Variants in ZBTB10 observed in about 807,000 individuals in gnomAD.
ZBTB10 encodes zinc finger and BTB domain containing 10.
Under a neutral mutation model 76.4 loss-of-function variants are expected in ZBTB10, and 32 were observed. The ratio of observed to expected loss-of-function variants is 0.42; its 90% confidence interval spans 0.32 to 0.56. The LOEUF is 0.56. ZBTB10 is among the 20% of genes least tolerant of loss of function. The pLI, the probability that ZBTB10 is intolerant of heterozygous loss-of-function variation, is 0.14. For missense variants in ZBTB10, 1,057 were observed against 1,098.5 expected (o/e 0.96, Z 0.53); for synonymous variants, 523 against 432.9 (o/e 1.21, Z -2.58).
At chr8:80,501,560 T>TA (rs1815924697) in intron 2 of ZBTB10, among the ~76,000 whole-genome samples, 1 of 152,198 alleles carries the variant, frequency 6.6e-6, no homozygotes, top group African/African-American at 2.4e-5. Flanking sequence ...TATTTTCTGT[T>TA]AAAGGAATCA....
chr8:80,501,276 C>T (rs1346312131), intron 2 of ZBTB10, among the ~76,000 whole-genome samples: 5 of 152,180 alleles, frequency 3.3e-5, no homozygotes, highest in Admixed American at 6.5e-5. Context: ...CCTTTCTCTT[C>T]AATATATTTC....
At chr8:80,497,912 C>T (rs531243715) in intron 1 of ZBTB10, among the ~76,000 whole-genome samples, 3 of 152,050 alleles carry the variant, frequency 2.0e-5, no homozygotes, top group Admixed American at 6.6e-5. Context: ...ATCTACCCAC[C>T]TCAGCCTTTC....
chr8:80,510,639 A>AGTGTGGGTGTGTGTGTGTGT (rs60169757), intron 2 of ZBTB10, among the ~76,000 whole-genome samples: 2 of 125,688 alleles, frequency 1.6e-5, no homozygotes, highest in African/African-American at 6.1e-5. Context: ...TTGTGAAACC[A>AGTGTGGGTGTGTGTGTGTGT]GTGTGTGTGT....
At position 80,500,285 on chromosome 8, in the gene ZBTB10, T is replaced by A. The variant is rs1386574607; in HGVS notation, c.1764T>A (p.Ile588=). The A allele has an allele frequency of 6.3e-7, 1 of 1,575,450 alleles. No individual in the cohort carries two copies. The highest frequency in any genetic ancestry group is 1.4e-5 in the African/African-American group (1 of 73,794). ...CTACAAAAAGATTTATTTATAATATTCCACCTAATAATGAAACGAATTTAG... is the reference window on the plus strand; with the variant it reads ...CTACAAAAAGATTTATTTATAATATACCACCTAATAATGAAACGAATTTAG... ...NQTTKRFIYN[I]PPNNETNLED... Residue 588 remains isoleucine (I), a synonymous_variant, in exon 2 of 6, where the codon ATT becomes ATA. Transcript: ENST00000455036.
chr8:80,502,266 C>G (rs1815943586), intron 2 of ZBTB10, among the ~76,000 whole-genome samples: 1 of 152,144 alleles, frequency 6.6e-6, no homozygotes, highest in Non-Finnish European at 1.5e-5. Flanking sequence ...AACGGAGTCT[C>G]ACTCTGTTGC....
chr8:80,507,465 A>G (rs758946274), intron 2 of ZBTB10, among the ~76,000 whole-genome samples: 6 of 151,986 alleles, frequency 3.9e-5, no homozygotes, highest in Non-Finnish European at 8.8e-5. Flanking sequence ...ACAAAAAAAA[A>G]TTAGCCAGGC....
rs1299228371 is a variant in ZBTB10, at chr8:80,499,601, A to G, written c.1080A>G (p.Lys360=). Residue 360 remains lysine, a synonymous_variant, in exon 2 of 6, where the codon AAA becomes AAG. Coordinates refer to ENST00000455036, the MANE Select transcript of ZBTB10 (RefSeq NM_001105539.3). Reference sequence around the variant, plus strand: ...GACAACTAAATGAACAGAGAAAGAAAGGTATTCTTTGTGATGTCAGCATTG... The same window carrying G: ...GACAACTAAATGAACAGAGAAAGAAGGGTATTCTTTGTGATGTCAGCATTG... ...LLRQLNEQRK[K]GILCDVSIVV... is the part of the protein sequence containing the mutation. 1.4e-5 allele frequency: 23 copies of G among 1,613,998 alleles called. No individual in the cohort carries two copies. The highest frequency in any genetic ancestry group is 1.9e-5 in the Non-Finnish European group (23 of 1,179,864).
chr8:80,501,931 A>G (rs1417259439), intron 2 of ZBTB10, among the ~76,000 whole-genome samples: 4 of 152,180 alleles, frequency 2.6e-5, no homozygotes, highest in African/African-American at 9.7e-5. Flanking sequence ...TTTCTGTTTA[A>G]CAGTATGGTG....
intron 3 of ZBTB10, among the ~76,000 whole-genome samples, chr8:80,516,629 T>G (rs1348295930): frequency 6.6e-6 from 1 of 152,224 alleles, no homozygotes; most frequent in Non-Finnish European, 1.5e-5. Flanking sequence ...ATAGTTGAAT[T>G]TATGTAGCTA....
At position 80,525,381 on chromosome 8, in the gene ZBTB10, C is replaced by G. The variant is rs1048827882; in HGVS notation, c.*5853C>G. The G allele has an allele frequency of 2.2e-4, 34 of 152,150 alleles. No individual in the cohort carries two copies. Among genetic ancestry groups the G allele is most frequent in the African/African-American group, 7.7e-4 (32 of 41,448 alleles). The allele number at this position is 152,150 out of a possible 1,614,324, so 9.4% of individuals were successfully genotyped here. On this transcript the variant is annotated 3_prime_UTR_variant, in exon 6 of 6. Coordinates refer to ENST00000455036, the MANE Select transcript of ZBTB10 (RefSeq NM_001105539.3). ...ACCTGCTATTAATACTGCCGCCTTA[C>G]TGTCAGCCAGATGATTTTTTCCCAC... is the stretch of plus-strand genomic sequence containing the variant.
chr8:80,504,514 T>C (rs1017231752), intron 2 of ZBTB10, among the ~76,000 whole-genome samples: 2 of 152,234 alleles, frequency 1.3e-5, no homozygotes, highest in Admixed American at 6.5e-5. Context: ...TTTTTTTATC[T>C]TGAAATTAAC....
At chr8:80,500,595 G>A (rs1252774581) in intron 2 of ZBTB10, among the ~76,000 whole-genome samples, 1 of 152,148 alleles carries the variant, frequency 6.6e-6, no homozygotes, top group Admixed American at 6.5e-5. Context: ...ATCAAAAGAT[G>A]TATTAATAGC....
chr8:80,486,142 C>T (rs1815441818), upstream of ZBTB10: 1 of 465,090 alleles, frequency 2.2e-6, no homozygotes, highest in Non-Finnish European at 3.6e-6. Context: ...AGCCCAGCCC[C>T]CCTCCCCCAG....
intron 2 of ZBTB10, 107 bp downstream of exon 2, chr8:80,500,489 A>G (rs961461244): frequency 1.5e-5 from 18 of 1,175,292 alleles, no homozygotes; most frequent in Non-Finnish European, 2.1e-5. Flanking sequence ...AAGTAATACT[A>G]AAGTTGTTTA....
At chr8:80,519,087 A>T in intron 5 of ZBTB10, 133 bp downstream of exon 5, 1 of 1,399,458 alleles carries the variant, frequency 7.1e-7, no homozygotes, top group East Asian at 2.5e-5. Flanking sequence ...GTTTGACTTT[A>T]TGAACTGATA....
Position 80,486,997 on chromosome 8 carries a change from G to C in ZBTB10, c.187G>C (p.Ala63Pro). The stretch of plus-strand genomic sequence containing the variant: ...GCTTCAGCCGCCTAATGGGCGGGGG[G>C]CCGACGAGGAAGTGGAATTGGAGGG... Reference protein sequence around the residue: ...PALQPPNGRGADEEVELEGLE... With the variant: ...PALQPPNGRGPDEEVELEGLE... The change falls in exon 1 of 6, where the codon GCC becomes CCC. Residue 63 changes from alanine to proline, a missense_variant. By Grantham distance (27) the Ala-to-Pro change is conservative (BLOSUM62 -1). Around this residue, in one of 5 missense-constraint regions of ZBTB10, gnomAD observed 556 missense variants for 451.7 expected, o/e 1.23. Transcript: ENST00000455036. 2.0e-6 allele frequency: 3 copies of C among 1,513,862 alleles called. No individual in the cohort carries two copies. Among genetic ancestry groups the C allele is most frequent in the Non-Finnish European group, 2.6e-6 (3 of 1,136,478 alleles). The allele number at this position is 1,513,862 out of a possible 1,614,324, so 93.8% of individuals were successfully genotyped here.
chr8:80,504,614 G>A (rs944759094), intron 2 of ZBTB10, among the ~76,000 whole-genome samples: 2 of 152,160 alleles, frequency 1.3e-5, no homozygotes, highest in African/African-American at 2.4e-5. Context: ...TTTGAAGGTA[G>A]AACTCAGAAA....
chr8:80,501,185 T>C (rs1815915841), intron 2 of ZBTB10, among the ~76,000 whole-genome samples: 1 of 152,194 alleles, frequency 6.6e-6, no homozygotes, highest in Non-Finnish European at 1.5e-5. Context: ...TACTGTTCTG[T>C]TCTCACCATA....
intron 2 of ZBTB10, among the ~76,000 whole-genome samples, chr8:80,505,175 A>G (rs1244758778): frequency 1.3e-5 from 2 of 152,202 alleles, no homozygotes; most frequent in African/African-American, 4.8e-5. Context: ...ATGGATATAA[A>G]TGTGGTTGCC....
Sources: gnomAD v4.1 joint callset for allele counts (sites outside exome capture counted in the v4.1 genomes callset) on GRCh38, gnomAD v4.1.1 for gene constraint, gnomAD v4.1.1 regional missense constraint, MANE v1.5 for transcripts, NCBI Gene and HGNC (gene_info 2026-07-23, HGNC 2026-07-21) for gene names.